PCDHGA11: variants seen among roughly 807,000 people sequenced by gnomAD.
PCDHGA11 encodes protocadherin gamma subfamily A, 11.
A neutral mutation model predicts 60.4 loss-of-function variants in PCDHGA11; 39 were observed. The observed-to-expected ratio is 0.65, with a 90% CI of 0.50 to 0.84. The LOEUF is 0.84. Ranked by LOEUF, PCDHGA11 falls within the 40% of genes least tolerant of loss-of-function variation. The pLI is 0.00. For missense variants in PCDHGA11, 1,165 were observed against 1,197.7 expected, an observed-to-expected ratio of 0.97 and a Z score of 0.40; for synonymous variants, 533 against 510.3, an observed-to-expected ratio of 1.04 and a Z score of -0.60.
chr5:141,481,913 C>CAAAAAAAAAAAAA (rs34114744), intron 1 of PCDHGA11, among the ~76,000 whole-genome samples: 1 of 90,852 alleles, frequency 1.1e-5, no homozygotes. Flanking sequence ...AACTCCATCT[C>CAAAAAAAAAAAAA]AAAAAAAAAA....
intron 1 of PCDHGA11, among the ~76,000 whole-genome samples, chr5:141,433,465 C>T (rs1386201581): frequency 6.6e-6 from 1 of 152,060 alleles, no homozygotes; most frequent in Non-Finnish European, 1.5e-5. Context: ...GAAACTTGGG[C>T]TCAGGCTAGC....
At chr5:141,475,218 A>G (rs2154572291) in intron 1 of PCDHGA11, among the ~76,000 whole-genome samples, 1 of 152,326 alleles carries the variant, frequency 6.6e-6, no homozygotes, top group African/African-American at 2.4e-5. Flanking sequence ...GGATTGATCA[A>G]GTAAAGGGAA....
At position 141,421,927 on chromosome 5, in the gene PCDHGA11, C is replaced by T. The variant is rs1179128418; in HGVS notation, c.700C>T (p.Leu234Phe). The change falls in exon 1 of 4, where the codon CTC becomes TTC. Residue 234 changes from leucine (L) to phenylalanine (F), a missense_variant. Physicochemically the swap from Leu to Phe is conservative, Grantham distance 22. Coordinates refer to ENST00000398587, the MANE Select transcript of PCDHGA11 (RefSeq NM_018914.3). ...KGAVPIRVVV[L>F]DVNDHIPMFT... is the part of the protein sequence containing the mutation. ...CGCAGTTCCCATTCGTGTGGTGGTC[C>T]TCGATGTAAATGATCACATCCCAAT... The T allele has an allele frequency of 1.2e-6, 2 of 1,613,396 alleles. No individual in the cohort carries two copies. Among genetic ancestry groups the T allele is most frequent in the African/African-American group, 2.7e-5 (2 of 74,888 alleles).
rs1408248560 is a variant in PCDHGA11 at position 141,475,829 on chromosome 5, G to C, written c.2434-18978G>C. On this transcript the variant is annotated intron_variant, in intron 1 of 3. Coordinates refer to ENST00000398587, the MANE Select transcript of PCDHGA11 (RefSeq NM_018914.3). ...AAAGTGAAGTTCCTGGCGCTAGCGC[G>C]TGTCCTGCTCAGAGAGCCCGGCGCT... The C allele has an allele frequency of 1.0e-5, 4 of 386,748 alleles. No individual in the cohort carries two copies. In the South Asian group the frequency reaches 1.4e-4, roughly 14 times the overall value. The allele number at this position is 386,748 out of a possible 1,614,324, so 24.0% of individuals were successfully genotyped here. A position where few individuals can be genotyped will look rare whatever the true frequency, so the allele number is the denominator to read the frequency against.
rs769514553 is a variant in PCDHGA11, at chr5:141,490,072, G to T, written c.2434-4735G>T. On this transcript the variant is annotated intron_variant, in intron 1 of 3. Transcript: ENST00000398587. The surrounding 1 kb of genome is among the most constrained non-coding windows in gnomAD (Gnocchi z 5.4). Reference sequence around the variant, plus strand: ...AGACGAGGGCACCAACGGCCAACTAGACTATTCTTTTGGAGACCACACATC... The same window carrying T: ...AGACGAGGGCACCAACGGCCAACTATACTATTCTTTTGGAGACCACACATC... 2 of 1,614,254 alleles carry T rather than the reference G, an allele frequency of 1.2e-6. No homozygotes were observed. Among genetic ancestry groups the T allele is most frequent in the South Asian group, 2.2e-5 (2 of 91,090 alleles).
chr5:141,423,264 C>T lies in PCDHGA11; in HGVS notation c.2037C>T (p.Leu679=), dbSNP rs1452323474. ...IPEVLADLGS[L]ESLANSETSD... ...AAGTCCTGGCGGACCTCGGCAGCCTCGAGTCTCTGGCTAACTCTGAAACCT... is the reference window on the plus strand; with the variant it reads ...AAGTCCTGGCGGACCTCGGCAGCCTTGAGTCTCTGGCTAACTCTGAAACCT... Residue 679 remains leucine, a synonymous_variant, in exon 1 of 4, where the codon CTC becomes CTT. Transcript: ENST00000398587. The T allele has an allele frequency of 3.7e-6, 6 of 1,613,868 alleles. No individual in the cohort carries two copies. The highest frequency in any genetic ancestry group is 5.1e-6 in the Non-Finnish European group (6 of 1,180,010).
chr5:141,449,165 G>A (rs144669334), intron 1 of PCDHGA11, among the ~76,000 whole-genome samples: 3 of 152,234 alleles, frequency 2.0e-5, no homozygotes, highest in Admixed American at 1.3e-4. Context: ...GGAAATAGGT[G>A]TAATTTTCTT....
At chr5:141,426,013 T>C (rs2096909409) in intron 1 of PCDHGA11, among the ~76,000 whole-genome samples, 1 of 152,144 alleles carries the variant, frequency 6.6e-6, no homozygotes, top group Admixed American at 6.5e-5. Flanking sequence ...CCGGCTGCAG[T>C]TTTCTAAATA....
intron 2 of PCDHGA11, among the ~76,000 whole-genome samples, chr5:141,504,909 G>C (rs948719729): frequency 6.6e-6 from 1 of 152,002 alleles, no homozygotes; most frequent in Non-Finnish European, 1.5e-5. Context: ...ACTATGACAG[G>C]AAGCCAGGCT....
intron 1 of PCDHGA11, among the ~76,000 whole-genome samples, chr5:141,452,542 C>T (rs2098743637): frequency 6.6e-6 from 1 of 152,180 alleles, no homozygotes; most frequent in Admixed American, 6.6e-5. Flanking sequence ...CATATTGATA[C>T]CTCCAGTTCT....
At chr5:141,466,583 C>T (rs2099125595) in intron 1 of PCDHGA11, among the ~76,000 whole-genome samples, 1 of 152,184 alleles carries the variant, frequency 6.6e-6, no homozygotes, top group Admixed American at 6.6e-5. Flanking sequence ...CTCATCCCTT[C>T]TTAAAACAAG....
chr5:141,480,429 T>A (rs72790066), intron 1 of PCDHGA11, among the ~76,000 whole-genome samples: 9,317 of 151,926 alleles, frequency 0.061, 335 homozygotes, highest in South Asian at 0.12. Context: ...AAAAAAATTA[T>A]CAGCTATTAC....
intron 1 of PCDHGA11, among the ~76,000 whole-genome samples, chr5:141,483,164 T>C (rs1051456583): frequency 1.1e-4 from 17 of 152,148 alleles, no homozygotes; most frequent in Non-Finnish European, 2.5e-4. Context: ...AGATCCTGAG[T>C]TACCTTTGGG....
rs531285035 is a variant in PCDHGA11, at chr5:141,493,409, C to T, written c.2434-1398C>T. Among the ~76,000 whole-genome samples, 4 of 152,286 alleles carry T rather than the reference C, an allele frequency of 2.6e-5. No homozygotes were observed. The East Asian group carries it at 7.7e-4, about 29-fold the overall frequency. On this transcript the variant is annotated intron_variant, in intron 1 of 3. Coordinates refer to ENST00000398587, the MANE Select transcript of PCDHGA11 (RefSeq NM_018914.3). The surrounding 1 kb of genome is among the most constrained non-coding windows in gnomAD (Gnocchi z 4.3). Reference sequence around the variant, plus strand: ...GGACAGGAGAGGGGAGTTGCCTCTGCTGGGATTTTGCTTCTGCTGGGATGG... The same window carrying T: ...GGACAGGAGAGGGGAGTTGCCTCTGTTGGGATTTTGCTTCTGCTGGGATGG...
chr5:141,455,627 A>G (rs1426625737), intron 1 of PCDHGA11, among the ~76,000 whole-genome samples: 2 of 152,104 alleles, frequency 1.3e-5, no homozygotes, highest in East Asian at 3.9e-4. Context: ...ACACGTGGAG[A>G]TATGTGGGGG....
chr5:141,485,247 G>T lies in PCDHGA11; in HGVS notation c.2434-9560G>T. On this transcript the variant is annotated intron_variant, in intron 1 of 3. Coordinates refer to ENST00000398587, the MANE Select transcript of PCDHGA11 (RefSeq NM_018914.3). The surrounding 1 kb of genome is among the most constrained non-coding windows in gnomAD (Gnocchi z 5.7). ...CTTTTGTTCCTCTTTTACCACCTGG[G>T]TTACGTTTGTGGGCAGATCCGCTAC... The T allele has an allele frequency of 2.5e-6, 4 of 1,614,156 alleles. No individual in the cohort carries two copies. The highest frequency in any genetic ancestry group is 3.4e-6 in the Non-Finnish European group (4 of 1,180,010).
In PCDHGA11 at chr5:141,499,962, A is replaced by G. The variant is rs147527188; in HGVS notation, c.2492+5097A>G. Among the ~76,000 whole-genome samples the G allele has an allele frequency of 3.7e-3, 563 of 152,178 alleles. 5 individuals are homozygous for G. Among genetic ancestry groups the G allele is most frequent in the Admixed American group, 0.011 (164 of 15,288 alleles). On this transcript the variant is annotated intron_variant, in intron 2 of 3. Coordinates refer to ENST00000398587, the MANE Select transcript of PCDHGA11 (RefSeq NM_018914.3). ...CTCGGCCTCCCAAAATGTTGGGATT[A>G]CAGGTGTGAGCCACCTTGCCCGGCC...
intron 1 of PCDHGA11, among the ~76,000 whole-genome samples, chr5:141,456,702 C>A (rs1185842343): frequency 6.6e-6 from 1 of 152,062 alleles, no homozygotes; most frequent in African/African-American, 2.4e-5. Flanking sequence ...TGGTGGCTCG[C>A]GCCTGTAATC....
rs2096570568 is a variant in PCDHGA11 at position 141,421,414 on chromosome 5, C to A, written c.187C>A (p.Arg63Ser). Residue 63 changes from arginine to serine, a missense_variant, in exon 1 of 4, where the codon CGC becomes AGC. By Grantham distance (110) the Arg-to-Ser change is moderately radical. Transcript: ENST00000398587. ...LGLEPRELAKRGVRIVSRGKT... is the reference protein window; with the variant it reads ...LGLEPRELAKSGVRIVSRGKT... ...GCTGGAGCCCCGGGAGCTGGCGAAG[C>A]GCGGAGTCCGCATCGTCTCCAGAGG... The A allele has an allele frequency of 1.9e-6, 3 of 1,614,066 alleles. No homozygotes were observed. The highest frequency in any genetic ancestry group is 2.2e-5 in the South Asian group (2 of 91,084).
Sources: allele counts gnomAD v4.1 joint callset (sites outside exome capture counted in the v4.1 genomes callset), GRCh38; gene constraint gnomAD v4.1.1; non-coding constraint Gnocchi (gnomAD v3.1); transcripts MANE v1.5; gene names NCBI Gene and HGNC (gene_info 2026-07-23, HGNC 2026-07-21).